Variants in FOXP4 observed in about 807,000 individuals in gnomAD.
FOXP4 encodes forkhead box P4.
In FOXP4, 25 loss-of-function variants were observed where a neutral mutation model predicts 82.6. The ratio of observed to expected loss-of-function variants is 0.30; its 90% CI spans 0.22 to 0.42. The LOEUF is 0.42. Ranked by LOEUF, FOXP4 falls within the 10% of genes least tolerant of loss-of-function variation. FOXP4 has a pLI of 1.00. For missense variants in FOXP4, 785 were observed against 900.9 expected (o/e 0.87, Z 1.65); for synonymous variants, 415 against 388.2 (o/e 1.07, Z -0.81).
chr6:41,567,928 A>G (rs1764973758), intron 2 of FOXP4, among the ~76,000 whole-genome samples: 1 of 152,246 alleles, frequency 6.6e-6, no homozygotes, highest in South Asian at 2.1e-4. Context: ...TGGGCTCACT[A>G]TGGGCAGAGT....
rs1766013370 is a variant in FOXP4 at position 41,584,885 on chromosome 6, C to A, written c.417C>A (p.Leu139=). Residue 139 remains leucine, a synonymous_variant, in exon 4 of 17, where the codon CTC becomes CTA. Transcript: ENST00000307972. ...ALLQQQQALM[L]QQLQEYYKKQ... is the part of the protein sequence containing the mutation. ...TCCAGCAGCAGCAAGCCCTCATGCT[C>A]CAGCAGGTGAGTCTGGCCCCAGGGC... The A allele has an allele frequency of 6.2e-7, 1 of 1,610,160 alleles. No individual in the cohort carries two copies. Among genetic ancestry groups the A allele is most frequent in the Non-Finnish European group, 8.5e-7 (1 of 1,178,876 alleles).
At chr6:41,557,026 C>G (rs960998729) in intron 1 of FOXP4, among the ~76,000 whole-genome samples, 1 of 152,184 alleles carries the variant, frequency 6.6e-6, no homozygotes, top group Non-Finnish European at 1.5e-5. Context: ...CCATTTCAAG[C>G]CCGGCAAAAG....
Position 41,595,028 on chromosome 6 carries a change from C to T in FOXP4, c.1658+37C>T, listed in dbSNP as rs746306352. 1.2e-5 allele frequency: 20 copies of T among 1,612,542 alleles called. 2 individuals carry two copies. The South Asian group carries it at 1.4e-4, about 12-fold the overall frequency. On this transcript the variant is annotated intron_variant, in intron 14 of 16. Coordinates refer to ENST00000307972, the MANE Select transcript of FOXP4 (RefSeq NM_001012426.2). ...CAGAGCTGGATGGGCTGTACCTGCC[C>T]AGGGGGCAGGAGCCAACTCACCCCC...
chr6:41,552,734 A>G (rs1208153595), intron 1 of FOXP4, among the ~76,000 whole-genome samples: 2 of 152,102 alleles, frequency 1.3e-5, no homozygotes, highest in Admixed American at 6.5e-5. Flanking sequence ...GGATCCGGAA[A>G]CACTGGAAGA....
chr6:41,581,765 C>T (rs564390034), intron 3 of FOXP4, among the ~76,000 whole-genome samples: 54 of 152,284 alleles, frequency 3.5e-4, no homozygotes, highest in Non-Finnish European at 7.2e-4. Context: ...ATCTCTGTAG[C>T]AGCCTCCATA....
chr6:41,551,094 C>T (rs1763972662), intron 1 of FOXP4, among the ~76,000 whole-genome samples: 1 of 152,228 alleles, frequency 6.6e-6, no homozygotes, highest in Non-Finnish European at 1.5e-5. Flanking sequence ...AAGCCGGGAT[C>T]ACAGCGGGAA....
chr6:41,585,113 A>G (rs1766030511), intron 4 of FOXP4, among the ~76,000 whole-genome samples: 1 of 152,074 alleles, frequency 6.6e-6, no homozygotes. Context: ...CCCTCCCTGC[A>G]TGCTGGCCCC....
intron 14 of FOXP4, 88 bp downstream of exon 14, chr6:41,595,079 T>G (rs1766751399): frequency 3.8e-6 from 6 of 1,571,278 alleles, no homozygotes; most frequent in Non-Finnish European, 4.3e-6. Flanking sequence ...AGGGTACACA[T>G]GTGCACCAGA....
At chr6:41,589,726 AG>A (rs770217806) in intron 9 of FOXP4, 44 bp from the exon 10 acceptor site, 88 of 1,588,824 alleles carry the variant, frequency 5.5e-5, no homozygotes, top group Non-Finnish European at 7.2e-5. Flanking sequence ...CACTGCCTCC[AG>A]GGTTCAGCCT....
intron 15 of FOXP4, 48 bp downstream of exon 15, chr6:41,597,290 G>A (rs1429289885): frequency 6.3e-7 from 1 of 1,592,624 alleles, no homozygotes; most frequent in African/African-American, 1.3e-5. Context: ...CCGCCCCCTT[G>A]CTTTCTCATA....
In FOXP4 at chr6:41,578,013, C is replaced by G; in HGVS notation, c.232C>G (p.Leu78Val). Reference protein sequence around the residue: ...QALQVARQFLLQQASGLSSPG... With the variant: ...QALQVARQFLVQQASGLSSPG... ...TCTCCAAGTGGCCCGGCAGTTCCTG[C>G]TGCAGCAGGCCTCAGGCCTGAGCTC... The change falls in exon 3 of 17, where the codon CTG becomes GTG. Residue 78 changes from leucine (L) to valine (V), a missense_variant. Coordinates refer to ENST00000307972, the MANE Select transcript of FOXP4 (RefSeq NM_001012426.2). The G allele has an allele frequency of 6.2e-7, 1 of 1,613,160 alleles. No homozygotes were observed. The highest frequency in any genetic ancestry group is 8.5e-7 in the Non-Finnish European group (1 of 1,179,976).
chr6:41,547,840 C>T (rs1452561366), intron 1 of FOXP4, among the ~76,000 whole-genome samples: 1 of 151,260 alleles, frequency 6.6e-6, no homozygotes, highest in East Asian at 2.0e-4. Context: ...ACCTCTCTGA[C>T]CGGCGGCGCT....
chr6:41,595,495 C>G (rs1766779755), intron 14 of FOXP4, among the ~76,000 whole-genome samples: 1 of 152,270 alleles, frequency 6.6e-6, no homozygotes, highest in Non-Finnish European at 1.5e-5. Flanking sequence ...GAGCTGGTTC[C>G]AGGACCAGGT....
In FOXP4 at chr6:41,598,969, A is replaced by C; in HGVS notation, c.*33A>C. 1 of 1,519,310 alleles carries C rather than the reference A, an allele frequency of 6.6e-7. No homozygotes were observed. The highest frequency in any genetic ancestry group is 8.8e-7 in the Non-Finnish European group (1 of 1,137,734). The allele number at this position is 1,519,310 out of a possible 1,614,324, so 94.1% of individuals were successfully genotyped here. ...TAGTGACCGGCAGGGCTGGGGTGAG[A>C]CCCCTCCCTTCCAGAATCCAGGCCC... On this transcript the variant is annotated 3_prime_UTR_variant, in exon 17 of 17. Coordinates refer to ENST00000307972, the MANE Select transcript of FOXP4 (RefSeq NM_001012426.2).
Position 41,597,921 on chromosome 6 carries a change from CCCTCCTCG to C in FOXP4, c.1871_1878del (p.Pro624LeufsTer32). ...CGCTGCCCAGCAACGGCAGCAGCAG[CCCTCCTCG>C]CCTCTCCCCGCCCCAGTACAGGTGA... On this transcript the variant is annotated frameshift_variant, in exon 16 of 17. Transcript: ENST00000307972. LOFTEE classifies it high-confidence loss of function. 1 of 1,568,360 alleles carries C rather than the reference CCCTCCTCG, an allele frequency of 6.4e-7. No homozygotes were observed. The highest frequency in any genetic ancestry group is 8.6e-7 in the Non-Finnish European group (1 of 1,163,680).
chr6:41,556,079 G>C (rs571009315), intron 1 of FOXP4, among the ~76,000 whole-genome samples: 30 of 152,234 alleles, frequency 2.0e-4, no homozygotes, highest in South Asian at 1.2e-3. Flanking sequence ...GGTGGTGGTA[G>C]GGGTAAGGGA....
At chr6:41,574,722 T>C (rs1765377471) in intron 2 of FOXP4, among the ~76,000 whole-genome samples, 1 of 152,200 alleles carries the variant, frequency 6.6e-6, no homozygotes. Flanking sequence ...TCCAGTGATC[T>C]CCAGGCCGCA....
In FOXP4 at chr6:41,598,784, C is replaced by T. The variant is rs1359658375; in HGVS notation, c.1896-5C>T. The T allele has an allele frequency of 5.8e-6, 9 of 1,555,484 alleles. No individual in the cohort carries two copies. The highest frequency in any genetic ancestry group is 7.0e-6 in the Non-Finnish European group (8 of 1,149,800). ...CCTGGTGCCCATGCCATACTTTTGC[C>T]TCAGCCACCAGGTGCAGGTGAAGGA... On this transcript the variant is annotated splice_polypyrimidine_tract_variant and splice_region_variant and intron_variant, in intron 16 of 16. Coordinates refer to ENST00000307972, the MANE Select transcript of FOXP4 (RefSeq NM_001012426.2).
intron 14 of FOXP4, among the ~76,000 whole-genome samples, 153 bp from the exon 15 acceptor site, chr6:41,597,015 GTACACACA>G (rs1201484330): frequency 6.6e-6 from 1 of 152,150 alleles, no homozygotes; most frequent in African/African-American, 2.4e-5. Context: ...ATCAGACCAA[GTACACACA>G]CAGCTCCAAG....
Sources: gnomAD v4.1 joint callset for allele counts (sites outside exome capture counted in the v4.1 genomes callset) on GRCh38, gnomAD v4.1.1 for gene constraint, MANE v1.5 for transcripts, NCBI Gene and HGNC (gene_info 2026-07-23, HGNC 2026-07-21) for gene names.